The following BRSK2 variants were observed in gnomAD, a reference collection of about 807,000 sequenced individuals.
The protein encoded by BRSK2 is serine/threonine-protein kinase BRSK2.
In BRSK2, 19 loss-of-function variants were observed where a neutral mutation model predicts 83.3. The observed-to-expected ratio is 0.23, with a 90% CI of 0.16 to 0.33. BRSK2 has a LOEUF of 0.33. Among genes scored for constraint, BRSK2 ranks in the 10% least tolerant of loss-of-function variants. The pLI is 1.00. For missense variants in BRSK2, 798 were observed against 1,042.3 expected (o/e 0.77, Z 3.23); for synonymous variants, 519 against 435.4 (o/e 1.19, Z -2.39).
chr11:1,419,010 T>C (rs546747150), intron 1 of BRSK2, among the ~76,000 whole-genome samples: 1 of 152,354 alleles, frequency 6.6e-6, no homozygotes, highest in African/African-American at 2.4e-5. Context: ...GGTTGATTGA[T>C]TGAATGCAGC....
rs565222071 is a variant in BRSK2 at position 1,429,028 on chromosome 11, G to T, written c.92-7012G>T. On this transcript the variant is annotated intron_variant, in intron 1 of 19. Coordinates refer to ENST00000528841, the MANE Select transcript of BRSK2 (RefSeq NM_001256627.2). Reference sequence around the variant, plus strand: ...TGTGTGCATGGGTGTGTGTACACGGGTGTGTCCTGGGTGCATGCACATGTG... The same window carrying T: ...TGTGTGCATGGGTGTGTGTACACGGTTGTGTCCTGGGTGCATGCACATGTG... 2.7e-4 allele frequency among the ~76,000 whole-genome samples: 40 copies of T among 149,700 alleles called. No homozygotes were observed. The South Asian group carries it at 8.1e-3, about 30-fold the overall frequency.
At chr11:1,458,829 G>C (rs1300439069) in intron 18 of BRSK2, among the ~76,000 whole-genome samples, 1 of 152,206 alleles carries the variant, frequency 6.6e-6, no homozygotes, top group African/African-American at 2.4e-5. Flanking sequence ...GAGTGGCACA[G>C]TGAGGATGCA....
intron 15 of BRSK2, among the ~76,000 whole-genome samples, chr11:1,452,793 C>T (rs1474568273): frequency 6.6e-6 from 1 of 152,094 alleles, no homozygotes; most frequent in East Asian, 1.9e-4. Flanking sequence ...ATTGAGGGTC[C>T]TGCACAGACG....
intron 12 of BRSK2, 58 bp from the exon 13 acceptor site, chr11:1,449,718 C>T (rs949031109): frequency 9.5e-6 from 14 of 1,469,678 alleles, no homozygotes; most frequent in African/African-American, 7.0e-5. Flanking sequence ...CAGAGCCCAG[C>T]ACCTGCTGCT....
chr11:1,451,868 G>A (rs1465514537), intron 15 of BRSK2, among the ~76,000 whole-genome samples: 2 of 152,180 alleles, frequency 1.3e-5, no homozygotes, highest in Admixed American at 6.5e-5. Context: ...TTTCTGAGCC[G>A]TGAGAGGTGC....
chr11:1,393,235 TTTTGTCCCTGCGCGCC>T (rs138316008), intron 1 of BRSK2, among the ~76,000 whole-genome samples: 8,395 of 152,174 alleles, frequency 0.055, 274 homozygotes, highest in Admixed American at 0.089. Flanking sequence ...GCTGGGTGGC[TTTTGTCCCTGCGCGCC>T]TTTGTCCCTG....
chr11:1,438,348 C>A lies in BRSK2; in HGVS notation c.229C>A (p.His77Asn), dbSNP rs1210833275. 3.7e-6 allele frequency: 6 copies of A among 1,614,152 alleles called. No homozygotes were observed. Among genetic ancestry groups the A allele is most frequent in the Non-Finnish European group, 5.1e-6 (6 of 1,180,000 alleles). Residue 77 changes from histidine to asparagine, a missense_variant, in exon 3 of 20, where the codon CAC becomes AAC. Around this residue, in one of 6 missense-constraint regions of BRSK2, gnomAD observed 109 missense variants for 259.2 expected, o/e 0.42. Coordinates refer to ENST00000528841, the MANE Select transcript of BRSK2 (RefSeq NM_001256627.2). This position sits in a 1 kb window ranked among gnomAD's most constrained non-coding sequence, Gnocchi z 6.4. The stretch of plus-strand genomic sequence containing the variant: ...GATCCTGAAGCTCATTGAGCACCCC[C>A]ACGTCCTAAAGCTGCACGACGTTTA... ...IAILKLIEHPHVLKLHDVYEN... is the reference protein window; with the variant it reads ...IAILKLIEHPNVLKLHDVYEN...
intron 1 of BRSK2, among the ~76,000 whole-genome samples, chr11:1,416,198 C>T (rs948022753): frequency 7.9e-5 from 12 of 152,220 alleles, no homozygotes; most frequent in African/African-American, 1.9e-4. Context: ...ACACAAACCA[C>T]AGCACTTTGA....
chr11:1,451,189 G>A (rs1384746040), intron 14 of BRSK2, among the ~76,000 whole-genome samples, 182 bp from the exon 15 acceptor site: 2 of 152,186 alleles, frequency 1.3e-5, no homozygotes, highest in South Asian at 2.1e-4. Flanking sequence ...AGCCTGGGGG[G>A]CGCCACTGCC....
rs1847410703 is a variant in BRSK2 at position 1,460,840 on chromosome 11, A to T, written c.*117A>T. ...GCCCGTCCGTCCAGACTGTTCTCAG[A>T]GCCTGGGAGGAAAGGAAAGGGGCGT... On this transcript the variant is annotated 3_prime_UTR_variant, in exon 20 of 20. Coordinates refer to ENST00000528841, the MANE Select transcript of BRSK2 (RefSeq NM_001256627.2). The T allele has an allele frequency of 1.3e-6, 2 of 1,540,566 alleles. No individual in the cohort carries two copies. The highest frequency in any genetic ancestry group is 2.8e-5 in the African/African-American group (2 of 72,350).
At chr11:1,446,082 GCTGGGCTT>G (rs1400207629) in intron 12 of BRSK2, among the ~76,000 whole-genome samples, 175 bp downstream of exon 12, 7 of 144,264 alleles carry the variant, frequency 4.9e-5, no homozygotes, top group African/African-American at 1.9e-4. Context: ...GCTGGGCTGG[GCTGGGCTT>G]AGCTGGGCTG....
At chr11:1,429,008 G>A (rs1276015424) in intron 1 of BRSK2, among the ~76,000 whole-genome samples, 1 of 150,898 alleles carries the variant, frequency 6.6e-6, no homozygotes, top group African/African-American at 2.4e-5. Flanking sequence ...GGGTGTGTGT[G>A]CATGGGTGTG....
rs1183239950 is a variant in BRSK2 at position 1,462,546 on chromosome 11, C to CTCTT, written c.*1824_*1827dup. On this transcript the variant is annotated 3_prime_UTR_variant, in exon 20 of 20. Coordinates refer to ENST00000528841, the MANE Select transcript of BRSK2 (RefSeq NM_001256627.2). The stretch of plus-strand genomic sequence containing the variant: ...AGATCGAGGACACGAAGCAAACTGC[C>CTCTT]TCTTGCTTGCCTTCCCCTTTTGTGC... The CTCTT allele has an allele frequency of 6.6e-6, 1 of 152,284 alleles. No individual in the cohort carries two copies. Among genetic ancestry groups the CTCTT allele is most frequent in the Non-Finnish European group, 1.5e-5 (1 of 68,080 alleles). 9.4% of individuals were successfully genotyped at this position (152,284 alleles called of 1,614,324 possible).
rs1427593819 is a variant in BRSK2, at chr11:1,453,119, G to A, written c.1545-1366G>A. 1.3e-5 allele frequency among the ~76,000 whole-genome samples: 2 copies of A among 152,194 alleles called. 1 individual carries two copies. Among genetic ancestry groups the A allele is most frequent in the South Asian group, 4.1e-4 (2 of 4,828 alleles). On this transcript the variant is annotated intron_variant, in intron 15 of 19. Coordinates refer to ENST00000528841, the MANE Select transcript of BRSK2 (RefSeq NM_001256627.2). ...GGATGCACCCACCCTGTGAGGAAGGGTCCCCCGCCAGACTCAACAGGCGAC... is the reference window on the plus strand; with the variant it reads ...GGATGCACCCACCCTGTGAGGAAGGATCCCCCGCCAGACTCAACAGGCGAC...
intron 2 of BRSK2, among the ~76,000 whole-genome samples, chr11:1,437,043 C>T (rs1411774911): frequency 9.2e-5 from 14 of 152,028 alleles, no homozygotes; most frequent in Non-Finnish European, 2.9e-5. Context: ...CTGGATGGGG[C>T]TGGCAGGGTC....
intron 18 of BRSK2, chr11:1,457,193 G>A: frequency 1.4e-6 from 1 of 730,940 alleles, no homozygotes; most frequent in Non-Finnish European, 2.2e-6. Context: ...CGGCCCATCT[G>A]CTAGGGCAGC....
intron 1 of BRSK2, chr11:1,411,295 A>G (rs942141678): frequency 1.6e-4 from 209 of 1,324,956 alleles, no homozygotes; most frequent in Non-Finnish European, 1.9e-4. Context: ...GTGCCCCGCC[A>G]TGGCCTGCCC....
chr11:1,448,348 G>A (rs1852468283), intron 12 of BRSK2, among the ~76,000 whole-genome samples: 1 of 152,180 alleles, frequency 6.6e-6, no homozygotes, highest in African/African-American at 2.4e-5. Context: ...GCTGCAGTGT[G>A]CTGGCTGCCG....
chr11:1,409,060 G>A (rs1470307953), intron 1 of BRSK2, among the ~76,000 whole-genome samples: 1 of 152,170 alleles, frequency 6.6e-6, no homozygotes, highest in Non-Finnish European at 1.5e-5. Context: ...ACAGGGATGT[G>A]TGTGTATGTG....
Sources: gnomAD v4.1 joint callset for allele counts (sites outside exome capture counted in the v4.1 genomes callset) on GRCh38, gnomAD v4.1.1 for gene constraint, gnomAD v4.1.1 regional missense constraint, Gnocchi (gnomAD v3.1) non-coding constraint, MANE v1.5 for transcripts, NCBI Gene and HGNC (gene_info 2026-07-23, HGNC 2026-07-21) for gene names.